Variants in TENM4 observed in about 807,000 individuals in gnomAD.
TENM4 encodes teneurin transmembrane protein 4.
In TENM4, 82 loss-of-function variants were observed where a neutral mutation model predicts 243.3. The observed-to-expected ratio is 0.34, with a 90% CI of 0.28 to 0.40. The LOEUF is 0.40. Among genes scored for constraint, TENM4 ranks in the 10% least tolerant of loss-of-function variants. The probability of loss-of-function intolerance (pLI) is 1.00; values close to 1 mark genes in which losing one functional copy is unlikely to be tolerated. For missense variants in TENM4, 3,138 were observed against 3,673.3 expected (o/e 0.85, Z 3.77); for synonymous variants, 1,412 against 1,456.3 (o/e 0.97, Z 0.69).
chr11:79,103,696 T>C, intron 4 of TENM4, among the ~76,000 whole-genome samples: 1 of 152,206 alleles, frequency 6.6e-6, no homozygotes, highest in East Asian at 1.9e-4. Context: ...AATGTCAAAA[T>C]GTAAAGAAAA....
Position 78,936,721 on chromosome 11 carries a change from T to C in TENM4, c.494-33198A>G, listed in dbSNP as rs144399683. On this transcript the variant is annotated intron_variant, in intron 6 of 33. Transcript: ENST00000278550. ...GTAGAAACCAGCAGATGTGACAAGA[T>C]CAGAGGGTTTAATGAACTAAAATAA... Among the ~76,000 whole-genome samples, 148 of 152,302 alleles carry C rather than the reference T, an allele frequency of 9.7e-4. 1 individual carries two copies. The highest frequency in any genetic ancestry group is 3.3e-3 in the African/African-American group (138 of 41,576).
rs1257057752 is a variant in TENM4, at chr11:79,015,506, G to A, written c.493+49232C>T. Among the ~76,000 whole-genome samples, 39 of 151,608 alleles carry A rather than the reference G, an allele frequency of 2.6e-4. 1 individual carries two copies. The highest frequency in any genetic ancestry group is 2.6e-3 in the Admixed American group (39 of 15,206). On this transcript the variant is annotated intron_variant, in intron 6 of 33. Coordinates refer to ENST00000278550, the MANE Select transcript of TENM4 (RefSeq NM_001098816.3). Reference sequence around the variant, plus strand: ...TGTGTGTGTGTGTGTGTGTGTGTGTGTGTATGTATTCTAAGAAACATTTTT... The same window carrying A: ...TGTGTGTGTGTGTGTGTGTGTGTGTATGTATGTATTCTAAGAAACATTTTT...
chr11:79,110,634 A>G (rs1221434899), intron 4 of TENM4, among the ~76,000 whole-genome samples: 1 of 152,230 alleles, frequency 6.6e-6, no homozygotes, highest in Non-Finnish European at 1.5e-5. Context: ...AGCAGAGCCC[A>G]TAGACCAGCC....
chr11:78,856,295 G>T, intron 10 of TENM4, 117 bp from the exon 11 acceptor site: 1 of 911,408 alleles, frequency 1.1e-6, no homozygotes, highest in Non-Finnish European at 1.6e-6. Flanking sequence ...TCTCTATAAT[G>T]TTCTGCTGTC....
chr11:79,150,285 C>T (rs1163052911), intron 3 of TENM4, among the ~76,000 whole-genome samples: 1 of 152,126 alleles, frequency 6.6e-6, no homozygotes, highest in African/African-American at 2.4e-5. Context: ...ATCCTCCTGG[C>T]AGATGTGGCT....
chr11:78,888,768 T>G (rs1412140853), intron 9 of TENM4, among the ~76,000 whole-genome samples: 3 of 152,198 alleles, frequency 2.0e-5, no homozygotes, highest in Non-Finnish European at 4.4e-5. Context: ...ACTGGGCTTG[T>G]GCTGAAAAAG....
chr11:79,317,907 G>A (rs1219914247), intron 1 of TENM4, among the ~76,000 whole-genome samples: 1 of 152,120 alleles, frequency 6.6e-6, no homozygotes, highest in Non-Finnish European at 1.5e-5. Context: ...CTGTGTGGGT[G>A]GATGGTCACT....
At chr11:78,914,339 C>T (rs925469542) in intron 6 of TENM4, among the ~76,000 whole-genome samples, 9 of 152,220 alleles carry the variant, frequency 5.9e-5, no homozygotes, top group African/African-American at 2.2e-4. Context: ...TGCCTTCAAA[C>T]TGCCAAAGGG....
chr11:78,925,421 CCA>C (rs1369037251), intron 6 of TENM4, among the ~76,000 whole-genome samples: 1 of 152,044 alleles, frequency 6.6e-6, no homozygotes, highest in Non-Finnish European at 1.5e-5. Context: ...TCAGGAAATT[CCA>C]GTTGGGTATA....
chr11:79,030,606 G>C (rs561427875), intron 6 of TENM4, among the ~76,000 whole-genome samples: 1 of 151,940 alleles, frequency 6.6e-6, no homozygotes, highest in South Asian at 2.1e-4. Context: ...AAATTTCCTC[G>C]AGCTGCATGC....
intron 6 of TENM4, among the ~76,000 whole-genome samples, chr11:79,039,728 C>G (rs1317315941): frequency 6.6e-6 from 1 of 152,166 alleles, no homozygotes; most frequent in Non-Finnish European, 1.5e-5. Flanking sequence ...TGCAGCAAAT[C>G]ACCATGGCAC....
intron 7 of TENM4, among the ~76,000 whole-genome samples, chr11:78,892,954 A>G (rs1198071707): frequency 6.6e-6 from 1 of 152,190 alleles, no homozygotes; most frequent in Non-Finnish European, 1.5e-5. Flanking sequence ...TCAAAGACCC[A>G]AACGAGGAGG....
At chr11:79,008,938 A>G (rs1233787292) in intron 6 of TENM4, among the ~76,000 whole-genome samples, 2 of 152,186 alleles carry the variant, frequency 1.3e-5, no homozygotes, top group African/African-American at 4.8e-5. Flanking sequence ...TAATATAAAC[A>G]TATCTTCTAT....
intron 2 of TENM4, among the ~76,000 whole-genome samples, chr11:79,293,698 G>A (rs1450710990): frequency 6.6e-6 from 1 of 152,132 alleles, no homozygotes; most frequent in Non-Finnish European, 1.5e-5. Context: ...TAGAGAGTCT[G>A]TCTGGGTGGC....
chr11:79,273,516 C>A (rs1399858877), intron 2 of TENM4, among the ~76,000 whole-genome samples: 1 of 152,192 alleles, frequency 6.6e-6, no homozygotes, highest in Non-Finnish European at 1.5e-5. Flanking sequence ...CAACCACTTT[C>A]CTTACATTAT....
intron 3 of TENM4, among the ~76,000 whole-genome samples, chr11:79,207,865 C>CA (rs569705318): frequency 0.018 from 1,219 of 66,174 alleles, 15 homozygotes; most frequent in Non-Finnish European, 0.025. Flanking sequence ...GACTCTGTCT[C>CA]AAAAAAAAAA....
chr11:79,091,521 C>A (rs953875608), intron 4 of TENM4, among the ~76,000 whole-genome samples: 14 of 152,182 alleles, frequency 9.2e-5, no homozygotes, highest in African/African-American at 3.4e-4. Context: ...ACAATCCTGT[C>A]CCTGCTCAGA....
At chr11:79,254,223 A>G (rs1855661781) in intron 2 of TENM4, among the ~76,000 whole-genome samples, 2 of 152,230 alleles carry the variant, frequency 1.3e-5, no homozygotes, top group Non-Finnish European at 2.9e-5. Flanking sequence ...CAAGATAGGC[A>G]TATGTCACAG....
intron 4 of TENM4, among the ~76,000 whole-genome samples, chr11:79,128,658 C>T (rs1050741058): frequency 6.6e-6 from 1 of 152,198 alleles, no homozygotes; most frequent in African/African-American, 2.4e-5. Context: ...AGCTGCAGCA[C>T]TACAGCCCCT....
Sources: gnomAD v4.1 joint callset for allele counts (sites outside exome capture counted in the v4.1 genomes callset) on GRCh38, gnomAD v4.1.1 for gene constraint, MANE v1.5 for transcripts, NCBI Gene and HGNC (gene_info 2026-07-23, HGNC 2026-07-21) for gene names.